Variants in DIAPH3 observed in about 807,000 individuals in gnomAD.
DIAPH3 encodes protein diaphanous homolog 3.
Under a neutral mutation model 144.3 loss-of-function variants are expected in DIAPH3, and 117 were observed. The ratio of observed to expected loss-of-function variants is 0.81; its 90% confidence interval spans 0.70 to 0.95. The LOEUF is 0.95. DIAPH3 is among the 40% of genes least tolerant of loss of function. The probability of loss-of-function intolerance (pLI) is 0.00; values close to 1 mark genes in which losing one functional copy is unlikely to be tolerated. For synonymous variants in DIAPH3, 519 were observed against 488.9 expected (o/e 1.06, Z -0.81); for missense variants, 1,421 against 1,412.7 (o/e 1.01, Z -0.09).
At chr13:60,028,166 C>G (rs151243059) in intron 5 of DIAPH3, among the ~76,000 whole-genome samples, 1 of 152,132 alleles carries the variant, frequency 6.6e-6, no homozygotes, top group African/African-American at 2.4e-5. Context: ...GTTCCATTCA[C>G]TTGACCTCAG....
intron 4 of DIAPH3, among the ~76,000 whole-genome samples, chr13:60,079,657 T>C (rs1182443094): frequency 2.6e-5 from 4 of 151,744 alleles, no homozygotes; most frequent in African/African-American, 9.7e-5. Flanking sequence ...GGGCATGTCT[T>C]ATGTGGGAAA....
chr13:59,737,305 A>C (rs1272309471), intron 27 of DIAPH3, among the ~76,000 whole-genome samples: 1 of 84,490 alleles, frequency 1.2e-5, no homozygotes, highest in Admixed American at 1.2e-4. Context: ...ACAAAAGAAA[A>C]AATAAACAAC....
chr13:59,748,536 A>G (rs2036819816), intron 27 of DIAPH3, among the ~76,000 whole-genome samples: 1 of 152,218 alleles, frequency 6.6e-6, no homozygotes, highest in Non-Finnish European at 1.5e-5. Flanking sequence ...TTTGTTTAAA[A>G]TTCCAGTAAA....
At chr13:59,974,066 G>A (rs1360296181) in intron 15 of DIAPH3, among the ~76,000 whole-genome samples, 2 of 152,026 alleles carry the variant, frequency 1.3e-5, no homozygotes, top group Non-Finnish European at 2.9e-5. Flanking sequence ...ACAAATCTGA[G>A]AGTAAAAGAT....
At chr13:59,813,111 T>C (rs981054239) in intron 24 of DIAPH3, among the ~76,000 whole-genome samples, 7 of 151,250 alleles carry the variant, frequency 4.6e-5, no homozygotes, top group African/African-American at 7.3e-5. Context: ...CCCTTTCCTA[T>C]AGCCCTGTGG....
At chr13:59,836,577 A>G (rs1486451140) in intron 23 of DIAPH3, among the ~76,000 whole-genome samples, 1 of 151,860 alleles carries the variant, frequency 6.6e-6, no homozygotes, top group Non-Finnish European at 1.5e-5. Context: ...GCATACACAG[A>G]AAGAATAAAA....
At chr13:59,974,236 TA>T (rs1229482208) in intron 15 of DIAPH3, 115 bp downstream of exon 15, 1 of 842,020 alleles carries the variant, frequency 1.2e-6, no homozygotes, top group East Asian at 2.6e-5. Context: ...AATAATGCTA[TA>T]AAAATATACA....
chr13:60,133,467 AAT>A (rs1442826887), intron 1 of DIAPH3, among the ~76,000 whole-genome samples: 3 of 152,262 alleles, frequency 2.0e-5, no homozygotes, highest in African/African-American at 7.2e-5. Flanking sequence ...CATAATAGAT[AAT>A]GAAGTACTTT....
intron 17 of DIAPH3, among the ~76,000 whole-genome samples, chr13:59,932,288 T>G (rs1566536006): frequency 6.6e-6 from 1 of 152,162 alleles, no homozygotes; most frequent in Non-Finnish European, 1.5e-5. Flanking sequence ...TAACCGTAAA[T>G]TTTAAATCAC....
At chr13:59,760,059 C>T (rs1011831923) in intron 27 of DIAPH3, among the ~76,000 whole-genome samples, 2 of 152,158 alleles carry the variant, frequency 1.3e-5, no homozygotes, top group East Asian at 1.9e-4. Context: ...AGGTCCTAGG[C>T]GCTGTCTCAG....
At chr13:60,023,543 C>G (rs1246862996) in intron 5 of DIAPH3, among the ~76,000 whole-genome samples, 5 of 151,834 alleles carry the variant, frequency 3.3e-5, no homozygotes, top group Non-Finnish European at 5.9e-5. Flanking sequence ...AAGCAATTAT[C>G]CTGCCTTAGC....
At chr13:59,716,276 C>T (rs1025847220) in intron 27 of DIAPH3, among the ~76,000 whole-genome samples, 2 of 152,096 alleles carry the variant, frequency 1.3e-5, no homozygotes, top group Non-Finnish European at 2.9e-5. Flanking sequence ...CCCGGGTTCA[C>T]GCCATTCTCC....
chr13:59,987,219 G>T (rs1160153274), intron 12 of DIAPH3, among the ~76,000 whole-genome samples: 10 of 151,320 alleles, frequency 6.6e-5, no homozygotes, highest in African/African-American at 2.4e-4. Flanking sequence ...GTAAACTATC[G>T]CAAGAACGAA....
At chr13:60,119,295 C>T (rs910533002) in intron 2 of DIAPH3, among the ~76,000 whole-genome samples, 1 of 152,132 alleles carries the variant, frequency 6.6e-6, no homozygotes, top group Non-Finnish European at 1.5e-5. Flanking sequence ...AGGTTTCTTG[C>T]CAACAGCCAT....
intron 27 of DIAPH3, among the ~76,000 whole-genome samples, chr13:59,754,105 A>T (rs2037145307): frequency 6.6e-6 from 1 of 152,192 alleles, no homozygotes; most frequent in Non-Finnish European, 1.5e-5. Context: ...ACAGCCAGGG[A>T]GTAAACACAA....
chr13:59,887,781 G>T (rs2045546802), intron 20 of DIAPH3, among the ~76,000 whole-genome samples: 2 of 151,896 alleles, frequency 1.3e-5, no homozygotes, highest in Non-Finnish European at 2.9e-5. Flanking sequence ...ACTTTTTCTA[G>T]AATTTATTCA....
At chr13:59,808,385 GA>G (rs1333617287) in intron 25 of DIAPH3, among the ~76,000 whole-genome samples, 2 of 151,758 alleles carry the variant, frequency 1.3e-5, no homozygotes, top group African/African-American at 4.8e-5. Flanking sequence ...TGCAAATTAA[GA>G]TAATAAAACA....
chr13:59,823,750 C>G (rs1379895066), intron 24 of DIAPH3, among the ~76,000 whole-genome samples: 14 of 152,120 alleles, frequency 9.2e-5, no homozygotes, highest in Non-Finnish European at 1.3e-4. Flanking sequence ...TTAGAGTTGA[C>G]AAGGATCAAA....
intron 18 of DIAPH3, among the ~76,000 whole-genome samples, chr13:59,922,568 G>T (rs1013040247): frequency 6.6e-6 from 1 of 151,876 alleles, no homozygotes; most frequent in Non-Finnish European, 1.5e-5. Context: ...ACAGTTCTAA[G>T]ACTCATCTCA....
Sources: gnomAD v4.1 joint callset for allele counts (sites outside exome capture counted in the v4.1 genomes callset) on GRCh38, gnomAD v4.1.1 for gene constraint, MANE v1.5 for transcripts, NCBI Gene and HGNC (gene_info 2026-07-23, HGNC 2026-07-21) for gene names.